SYNPR: variants seen among roughly 807,000 people sequenced by gnomAD.
The protein encoded by SYNPR is synaptoporin.
SYNPR carries 23 observed loss-of-function variants against 32.9 expected under a neutral mutation model. The ratio of observed to expected loss-of-function variants is 0.70; its 90% CI spans 0.50 to 0.99. The LOEUF is 0.99. Ranked by LOEUF, SYNPR falls within the 50% of genes least tolerant of loss-of-function variation. SYNPR has a pLI of 0.00. For missense variants in SYNPR, 318 were observed against 349.3 expected (o/e 0.91, Z 0.71); for synonymous variants, 146 against 135.9 (o/e 1.07, Z -0.52).
At chr3:63,324,440 G>A (rs1451099404) in intron 2 of SYNPR, among the ~76,000 whole-genome samples, 1 of 152,100 alleles carries the variant, frequency 6.6e-6, no homozygotes, top group East Asian at 1.9e-4. Context: ...GCTGGGAGGT[G>A]ACATGGCTTG....
At chr3:63,281,172 T>C (rs2086626824) in intron 2 of SYNPR, among the ~76,000 whole-genome samples, 1 of 152,218 alleles carries the variant, frequency 6.6e-6, no homozygotes, top group East Asian at 1.9e-4. Context: ...ACATTTCTTC[T>C]GTTTGTCTCT....
rs373272979 is a variant in SYNPR at position 63,446,756 on chromosome 3, C to T, written c.85-34076C>T. Among the ~76,000 whole-genome samples the T allele has an allele frequency of 5.5e-4, 83 of 152,102 alleles. 2 individuals are homozygous for T. In the South Asian group the frequency reaches 0.016, roughly 29 times the overall value. ...GGATCTTAAAAACAAACAAACAAAC[C>T]GCTAACAAGCAAACAAAAACCACCC... On this transcript the variant is annotated intron_variant, in intron 2 of 5. Coordinates refer to ENST00000478300, the MANE Select transcript of SYNPR (RefSeq NM_001130003.2).
At chr3:63,257,796 C>T (rs6445333) in intron 2 of SYNPR, among the ~76,000 whole-genome samples, 115,256 of 151,978 alleles carry the variant, frequency 0.76, 44,543 homozygotes, top group Middle Eastern at 0.85. Flanking sequence ...GAGTCAAGAC[C>T]CATCAGTGTG....
intron 3 of SYNPR, among the ~76,000 whole-genome samples, chr3:63,512,811 C>T (rs1005895157): frequency 6.6e-6 from 1 of 152,084 alleles, no homozygotes; most frequent in African/African-American, 2.4e-5. Flanking sequence ...TAAATGTATG[C>T]TTTTTTAAGC....
intron 3 of SYNPR, among the ~76,000 whole-genome samples, chr3:63,514,217 T>C (rs1249457562): frequency 2.0e-5 from 3 of 152,192 alleles, no homozygotes; most frequent in Admixed American, 6.5e-5. Context: ...CAAGTCACCA[T>C]TGGGCCAGAC....
At chr3:63,257,661 T>A (rs1034709494) in intron 2 of SYNPR, among the ~76,000 whole-genome samples, 1 of 152,134 alleles carries the variant, frequency 6.6e-6, no homozygotes, top group African/African-American at 2.4e-5. Context: ...CTGCATCAAC[T>A]AATGAGCAAA....
intron 2 of SYNPR, among the ~76,000 whole-genome samples, chr3:63,443,877 A>G (rs898035036): frequency 6.6e-6 from 1 of 152,222 alleles, no homozygotes; most frequent in African/African-American, 2.4e-5. Context: ...TGTCAGAGTG[A>G]AAATTACTTA....
At chr3:63,445,073 A>G (rs1700249060) in intron 2 of SYNPR, among the ~76,000 whole-genome samples, 2 of 151,960 alleles carry the variant, frequency 1.3e-5, no homozygotes, top group African/African-American at 4.8e-5. Context: ...CACACATCCA[A>G]TCCCTCAACG....
Position 63,412,355 on chromosome 3 carries a change from C to T in SYNPR, c.85-68477C>T, listed in dbSNP as rs77099985. On this transcript the variant is annotated intron_variant, in intron 2 of 5. Transcript: ENST00000478300. ...TATTGATCTTAAAAGCAGGATTCTG[C>T]TGAAGCTAGAATCTGAGCAAATCCA... is the stretch of plus-strand genomic sequence containing the variant. 3.8e-3 allele frequency among the ~76,000 whole-genome samples: 577 copies of T among 152,230 alleles called. 4 individuals are homozygous for T. Among genetic ancestry groups the T allele is most frequent in the African/African-American group, 0.013 (558 of 41,548 alleles).
intron 4 of SYNPR, among the ~76,000 whole-genome samples, chr3:63,585,233 C>T (rs1333684612): frequency 1.3e-5 from 2 of 152,036 alleles, no homozygotes; most frequent in African/African-American, 4.8e-5. Flanking sequence ...ATAAAGCATG[C>T]AACATAAGCT....
chr3:63,355,544 T>C (rs17068300), intron 2 of SYNPR, among the ~76,000 whole-genome samples: 24,142 of 152,192 alleles, frequency 0.16, 2,112 homozygotes, highest in Non-Finnish European at 0.19. Flanking sequence ...ATTTTGAACA[T>C]ACTATTCACC....
At chr3:63,540,707 A>G (rs960793158) in intron 3 of SYNPR, among the ~76,000 whole-genome samples, 1 of 152,028 alleles carries the variant, frequency 6.6e-6, no homozygotes, top group Admixed American at 6.6e-5. Flanking sequence ...TCACTAGACA[A>G]ATATGTATTG....
intron 4 of SYNPR, among the ~76,000 whole-genome samples, chr3:63,581,679 T>TATA (rs1703095195): frequency 6.6e-6 from 1 of 151,910 alleles, no homozygotes; most frequent in Non-Finnish European, 1.5e-5. Flanking sequence ...TACAACACGG[T>TATA]CCTAAATACA....
chr3:63,254,730 C>T (rs1019733095), intron 2 of SYNPR, among the ~76,000 whole-genome samples: 8 of 152,090 alleles, frequency 5.3e-5, no homozygotes, highest in African/African-American at 1.4e-4. Flanking sequence ...AAAATTTGTA[C>T]GTTGGAGTCC....
At chr3:63,391,182 C>T (rs1438881145) in intron 2 of SYNPR, among the ~76,000 whole-genome samples, 1 of 152,208 alleles carries the variant, frequency 6.6e-6, no homozygotes, top group Non-Finnish European at 1.5e-5. Flanking sequence ...GAGAATGGAG[C>T]TATCTACCAC....
At chr3:63,540,155 T>C (rs1386758990) in intron 3 of SYNPR, among the ~76,000 whole-genome samples, 1 of 152,194 alleles carries the variant, frequency 6.6e-6, no homozygotes, top group Non-Finnish European at 1.5e-5. Flanking sequence ...CTAAGCTTTT[T>C]ACAGACACCT....
chr3:63,233,236 C>T (rs923360187), intron 1 of SYNPR, among the ~76,000 whole-genome samples: 2 of 152,096 alleles, frequency 1.3e-5, no homozygotes, highest in Non-Finnish European at 2.9e-5. Context: ...ATTCTTAAGC[C>T]GAATGGAATT....
chr3:63,217,938 C>A, the SYNPR span, among the ~76,000 whole-genome samples: 7 of 152,110 alleles, frequency 4.6e-5, no homozygotes, highest in Non-Finnish European at 7.3e-5. Flanking sequence ...TTAGATACTT[C>A]AATCCTTATG....
intron 1 of SYNPR, among the ~76,000 whole-genome samples, chr3:63,236,621 A>G (rs1215877133): frequency 2.0e-5 from 3 of 151,986 alleles, no homozygotes; most frequent in Non-Finnish European, 4.4e-5. Flanking sequence ...ATTTCATTGT[A>G]TTTGATTTTA....
Sources: allele counts gnomAD v4.1 joint callset (sites outside exome capture counted in the v4.1 genomes callset), GRCh38; gene constraint gnomAD v4.1.1; transcripts MANE v1.5; gene names NCBI Gene and HGNC (gene_info 2026-07-23, HGNC 2026-07-21).